The following RAPGEF4 variants were observed in gnomAD, a reference collection of about 807,000 sequenced individuals.
RAPGEF4 encodes RAP guanine-nucleotide-exchange factor (GEF) 4.
RAPGEF4 carries 66 observed loss-of-function variants against 147.9 expected under a neutral mutation model. The ratio of observed to expected loss-of-function variants is 0.45; its 90% CI spans 0.37 to 0.55. The LOEUF (loss-of-function observed/expected upper bound fraction) is 0.55, where lower values mean the gene tolerates loss of function less well. Ranked by LOEUF, RAPGEF4 falls within the 20% of genes least tolerant of loss-of-function variation. The pLI is 0.00. For synonymous variants in RAPGEF4, 419 were observed against 442.7 expected, an observed-to-expected ratio of 0.95 and a Z score of 0.67; for missense variants, 1,071 against 1,257.3, an observed-to-expected ratio of 0.85 and a Z score of 2.24.
chr2:172,807,740 T>A (rs1687643184), intron 3 of RAPGEF4, among the ~76,000 whole-genome samples: 1 of 152,242 alleles, frequency 6.6e-6, no homozygotes. Flanking sequence ...CAGTCCAGCC[T>A]GGGCAACATA....
At chr2:173,038,370 A>T (rs1009351739) in intron 29 of RAPGEF4, among the ~76,000 whole-genome samples, 5 of 152,254 alleles carry the variant, frequency 3.3e-5, no homozygotes, top group African/African-American at 1.2e-4. Flanking sequence ...GGATTGGCTA[A>T]GCCACCCATT....
intron 4 of RAPGEF4, among the ~76,000 whole-genome samples, chr2:172,825,684 T>TAA (rs1210846102): frequency 2.0e-5 from 3 of 152,236 alleles, no homozygotes; most frequent in Non-Finnish European, 1.5e-5. Context: ...TTGATCTGTT[T>TAA]ACTTTTCATG....
At chr2:173,038,048 A>T (rs1559204075) in intron 29 of RAPGEF4, among the ~76,000 whole-genome samples, 1 of 152,194 alleles carries the variant, frequency 6.6e-6, no homozygotes, top group African/African-American at 2.4e-5. Flanking sequence ...ATTGCTGGGC[A>T]CTATGTCTTA....
chr2:172,838,923 A>G (rs1014679368), intron 4 of RAPGEF4, among the ~76,000 whole-genome samples: 1 of 152,090 alleles, frequency 6.6e-6, no homozygotes, highest in African/African-American at 2.4e-5. Context: ...AAGAAGCACA[A>G]ATTAATTTAG....
chr2:173,011,170 G>GCGCGCGCACACA (rs564434178), intron 17 of RAPGEF4, among the ~76,000 whole-genome samples: 1,417 of 133,528 alleles, frequency 0.011, 24 homozygotes, highest in African/African-American at 0.031. Context: ...GCGCGCGCGC[G>GCGCGCGCACACA]CACACACACA....
intron 6 of RAPGEF4, among the ~76,000 whole-genome samples, chr2:172,927,017 T>G (rs1202060320): frequency 1.3e-5 from 2 of 152,218 alleles, no homozygotes; most frequent in African/African-American, 4.8e-5. Flanking sequence ...TTCCTGCTAG[T>G]AATTAGTAAT....
At chr2:172,839,687 T>G (rs1349016949) in intron 4 of RAPGEF4, among the ~76,000 whole-genome samples, 1 of 152,196 alleles carries the variant, frequency 6.6e-6, no homozygotes, top group Non-Finnish European at 1.5e-5. Context: ...GGTTTCAGCC[T>G]CCTTTTACCC....
chr2:172,736,880 G>A (rs914497098), intron 1 of RAPGEF4, among the ~76,000 whole-genome samples: 19 of 152,348 alleles, frequency 1.2e-4, no homozygotes, highest in African/African-American at 4.3e-4. Context: ...AAATCTTGCA[G>A]AGTGAACTGC....
intron 1 of RAPGEF4, among the ~76,000 whole-genome samples, chr2:172,762,199 C>T (rs1281133555): frequency 6.6e-6 from 1 of 152,202 alleles, no homozygotes; most frequent in South Asian, 2.1e-4. Flanking sequence ...CAATAATATT[C>T]TTAAATTACC....
chr2:172,812,815 G>A (rs1408134087), intron 3 of RAPGEF4, among the ~76,000 whole-genome samples: 4 of 152,196 alleles, frequency 2.6e-5, no homozygotes, highest in Admixed American at 1.3e-4. Context: ...AGGCTAGTGG[G>A]AACTTCAGGG....
intron 6 of RAPGEF4, among the ~76,000 whole-genome samples, chr2:172,960,331 CAA>C (rs1253956819): frequency 3.3e-5 from 5 of 152,158 alleles, no homozygotes; most frequent in Non-Finnish European, 7.4e-5. Context: ...CTTAACTACA[CAA>C]GAGAGAGACG....
chr2:172,770,075 G>A (rs1272895196), intron 1 of RAPGEF4, among the ~76,000 whole-genome samples: 1 of 152,178 alleles, frequency 6.6e-6, no homozygotes, highest in East Asian at 1.9e-4. Context: ...GGTGGTGTAT[G>A]CATGCATACC....
chr2:172,979,201 T>C (rs1691412994), intron 10 of RAPGEF4, among the ~76,000 whole-genome samples: 1 of 152,126 alleles, frequency 6.6e-6, no homozygotes, highest in African/African-American at 2.4e-5. Flanking sequence ...CAAAAGTGAG[T>C]TGTGCCGTGG....
At chr2:172,946,209 A>G (rs183396560) in intron 6 of RAPGEF4, among the ~76,000 whole-genome samples, 8 of 152,330 alleles carry the variant, frequency 5.3e-5, no homozygotes, top group African/African-American at 1.9e-4. Flanking sequence ...AAAATTTTAT[A>G]TAAAGTATGA....
chr2:172,850,384 G>A (rs1381889500), intron 4 of RAPGEF4, among the ~76,000 whole-genome samples: 4 of 152,184 alleles, frequency 2.6e-5, no homozygotes, highest in East Asian at 1.9e-4. Context: ...TCGGGAGGCC[G>A]AGGTGGGTGG....
At chr2:172,970,120 A>G (rs1384008413) in intron 10 of RAPGEF4, among the ~76,000 whole-genome samples, 1 of 151,798 alleles carries the variant, frequency 6.6e-6, no homozygotes, top group East Asian at 1.9e-4. Context: ...AAAGTGAAAA[A>G]TAAGGAATCT....
At chr2:172,921,949 T>A (rs72908292) in intron 5 of RAPGEF4, among the ~76,000 whole-genome samples, 5,496 of 152,310 alleles carry the variant, frequency 0.036, 126 homozygotes, top group Non-Finnish European at 0.055. Flanking sequence ...ATTCCGAGTG[T>A]TCTGGTGCCT....
At chr2:172,820,783 A>G (rs1401209193) in intron 4 of RAPGEF4, among the ~76,000 whole-genome samples, 2 of 142,948 alleles carry the variant, frequency 1.4e-5, no homozygotes, top group Admixed American at 7.1e-5. Flanking sequence ...AAATATGTTT[A>G]TGACTGTCTC....
intron 6 of RAPGEF4, among the ~76,000 whole-genome samples, chr2:172,937,922 C>A (rs990253355): frequency 6.6e-6 from 1 of 152,042 alleles, no homozygotes; most frequent in Non-Finnish European, 1.5e-5. Context: ...GAGCTCTTTC[C>A]CTTGGCTCCT....
Sources: allele counts gnomAD v4.1 joint callset (sites outside exome capture counted in the v4.1 genomes callset), GRCh38; gene constraint gnomAD v4.1.1; transcripts MANE v1.5; gene names NCBI Gene and HGNC (gene_info 2026-07-23, HGNC 2026-07-21).